Variants in WDPCP observed in about 807,000 individuals in gnomAD.
The protein encoded by WDPCP is WD repeat containing planar cell polarity effector.
In WDPCP, 71 loss-of-function variants were observed where a neutral mutation model predicts 93.1. That is an observed-to-expected ratio of 0.76 (90% CI 0.63 to 0.93). WDPCP has a LOEUF of 0.93. Among genes scored for constraint, WDPCP ranks in the 40% least tolerant of loss-of-function variants. The probability of loss-of-function intolerance (pLI) is 0.00; values close to 1 mark genes in which losing one functional copy is unlikely to be tolerated. For synonymous variants in WDPCP, 315 were observed against 315.0 expected (o/e 1.00, Z 0.00); for missense variants, 844 against 887.4 (o/e 0.95, Z 0.62).
intron 14 of WDPCP, among the ~76,000 whole-genome samples, chr2:63,246,759 C>T (rs1680309837): frequency 6.6e-6 from 1 of 152,116 alleles, no homozygotes; most frequent in Non-Finnish European, 1.5e-5. Flanking sequence ...TGTCTGACCT[C>T]CTTACATATG....
rs534946906 is a variant in WDPCP at position 63,546,718 on chromosome 2, A to C, written c.75+41479T>G. On this transcript the variant is annotated intron_variant, in intron 1 of 17. Transcript: ENST00000272321. ...AGATCATTCCAGAGCCCAAAGCCTTATTTAATTTTTCAAATTTAAAAAATG... is the reference window on the plus strand; with the variant it reads ...AGATCATTCCAGAGCCCAAAGCCTTCTTTAATTTTTCAAATTTAAAAAATG... 2.0e-5 allele frequency among the ~76,000 whole-genome samples: 3 copies of C among 152,202 alleles called. No homozygotes were observed. In the South Asian group the frequency reaches 6.2e-4, roughly 31 times the overall value.
intron 1 of WDPCP, among the ~76,000 whole-genome samples, chr2:63,586,102 T>G (rs1708828937): frequency 6.6e-6 from 1 of 152,202 alleles, no homozygotes; most frequent in Non-Finnish European, 1.5e-5. Context: ...AGTGCTGAGA[T>G]TACAAGTGTG....
intron 2 of WDPCP, among the ~76,000 whole-genome samples, chr2:63,722,657 T>G (rs1467070143): frequency 1.4e-4 from 10 of 72,972 alleles, no homozygotes; most frequent in East Asian, 4.2e-4. Context: ...GGGAGGGAGG[T>G]GGGGGGGGGT....
intron 10 of WDPCP, among the ~76,000 whole-genome samples, chr2:63,382,360 T>C (rs1248959760): frequency 6.6e-6 from 1 of 152,106 alleles, no homozygotes; most frequent in African/African-American, 2.4e-5. Flanking sequence ...TGGCATTCTG[T>C]TCTGGTTTTA....
At chr2:63,628,688 T>C (rs1453775692) in intron 3 of WDPCP, among the ~76,000 whole-genome samples, 1 of 152,230 alleles carries the variant, frequency 6.6e-6, no homozygotes, top group Non-Finnish European at 1.5e-5. Flanking sequence ...TTTGACATCT[T>C]GGTATGTGGC....
intron 2 of WDPCP, among the ~76,000 whole-genome samples, chr2:63,696,006 G>T (rs559664079): frequency 6.6e-6 from 1 of 152,160 alleles, no homozygotes; most frequent in African/African-American, 2.4e-5. Flanking sequence ...TGAGGTTGGG[G>T]GACAGCTCTT....
At chr2:63,606,139 T>C (rs763945940) in intron 3 of WDPCP, 593 of 1,045,016 alleles carry the variant, frequency 5.7e-4, no homozygotes, top group Non-Finnish European at 8.2e-4. Flanking sequence ...CCCAACACTT[T>C]GGAAGGGCAA....
At chr2:63,697,195 G>A (rs1668973148) in intron 2 of WDPCP, among the ~76,000 whole-genome samples, 1 of 152,144 alleles carries the variant, frequency 6.6e-6, no homozygotes, top group Non-Finnish European at 1.5e-5. Context: ...CACACTACCT[G>A]CCAGCATTGT....
chr2:63,669,462 C>A (rs780780732), intron 2 of WDPCP, among the ~76,000 whole-genome samples: 1 of 151,628 alleles, frequency 6.6e-6, no homozygotes, highest in African/African-American at 2.4e-5. Context: ...TGGGTTCAAG[C>A]GATTCTTGTG....
chr2:63,147,018 G>C (rs1295570251), intron 17 of WDPCP, among the ~76,000 whole-genome samples: 1 of 152,190 alleles, frequency 6.6e-6, no homozygotes, highest in Non-Finnish European at 1.5e-5. Context: ...GTTTGGTTCA[G>C]TCAACATTTA....
chr2:63,633,060 G>A (rs1171885229), intron 3 of WDPCP, among the ~76,000 whole-genome samples: 1 of 152,086 alleles, frequency 6.6e-6, no homozygotes, highest in East Asian at 1.9e-4. Context: ...GGCCAGGAGA[G>A]AGTGAGATAT....
In WDPCP at chr2:63,400,076, C is replaced by T. The variant is rs552928337; in HGVS notation, c.1435+3972G>A. On this transcript the variant is annotated intron_variant, in intron 10 of 17. Transcript: ENST00000272321. ...ATAAAGGGTTTTAAAATGTATTTAC[C>T]TATGTTTTCAAATAGCCATAATGTA... 8.4e-4 allele frequency among the ~76,000 whole-genome samples: 44 copies of T among 52,426 alleles called. 1 individual carries two copies. In the South Asian group the frequency reaches 0.023, roughly 28 times the overall value. 34.4% of individuals were successfully genotyped at this position (52,426 alleles called of 152,430 possible). A position where few individuals can be genotyped will look rare whatever the true frequency, so the allele number is the denominator to read the frequency against.
chr2:63,387,404 AG>A (rs1468959332), intron 10 of WDPCP, among the ~76,000 whole-genome samples: 1 of 152,194 alleles, frequency 6.6e-6, no homozygotes, highest in Non-Finnish European at 1.5e-5. Context: ...CAATAGACAC[AG>A]AAAAGGCTTT....
At chr2:63,679,346 T>C (rs1710461987) in intron 2 of WDPCP, among the ~76,000 whole-genome samples, 1 of 152,076 alleles carries the variant, frequency 6.6e-6, no homozygotes, top group Admixed American at 6.5e-5. Flanking sequence ...GTGTGGAGAA[T>C]TAGAATGACT....
chr2:63,710,372 T>C (rs1331066036), intron 2 of WDPCP, among the ~76,000 whole-genome samples: 1 of 152,228 alleles, frequency 6.6e-6, no homozygotes, highest in Admixed American at 6.5e-5. Context: ...GGTAAACATA[T>C]CTTCTCCTTT....
intron 12 of WDPCP, among the ~76,000 whole-genome samples, chr2:63,354,255 T>C (rs950441063): frequency 1.3e-5 from 2 of 152,158 alleles, no homozygotes; most frequent in South Asian, 2.1e-4. Context: ...CCTGGGCTGA[T>C]TGCACTGAGT....
At chr2:63,207,801 T>C (rs1676458854) in intron 14 of WDPCP, among the ~76,000 whole-genome samples, 1 of 152,190 alleles carries the variant, frequency 6.6e-6, no homozygotes, top group African/African-American at 2.4e-5. Context: ...CTTAAGAGTT[T>C]TTCAGGATTC....
At chr2:63,131,029 C>G (rs2153399376) in intron 17 of WDPCP, among the ~76,000 whole-genome samples, 1 of 152,114 alleles carries the variant, frequency 6.6e-6, no homozygotes, top group East Asian at 1.9e-4. Context: ...CCTGTGGTAA[C>G]TAGTTACATG....
At chr2:63,638,461 A>G (rs958963975) in intron 3 of WDPCP, among the ~76,000 whole-genome samples, 2 of 152,142 alleles carry the variant, frequency 1.3e-5, no homozygotes, top group African/African-American at 2.4e-5. Context: ...AATATATACA[A>G]TTTTATCAAT....
Sources: gnomAD v4.1 joint callset for allele counts (sites outside exome capture counted in the v4.1 genomes callset) on GRCh38, gnomAD v4.1.1 for gene constraint, MANE v1.5 for transcripts, NCBI Gene and HGNC (gene_info 2026-07-23, HGNC 2026-07-21) for gene names.